The following MSRB3 variants were observed in gnomAD, a reference collection of about 807,000 sequenced individuals.
MSRB3 encodes the protein methionine sulfoxide reductase B3.
A neutral mutation model predicts 21.0 loss-of-function variants in MSRB3; 13 were observed. The ratio of observed to expected loss-of-function variants is 0.62; its 90% CI spans 0.40 to 0.98. The LOEUF (loss-of-function observed/expected upper bound fraction) is 0.98. MSRB3 is among the 50% of genes least tolerant of loss of function. The pLI, the probability that MSRB3 is intolerant of heterozygous loss-of-function variation, is 0.00. For missense variants in MSRB3, 199 were observed against 230.3 expected, an observed-to-expected ratio of 0.86 and a Z score of 0.88; for synonymous variants, 87 against 88.6, an observed-to-expected ratio of 0.98 and a Z score of 0.10.
In MSRB3 at chr12:65,453,762, G is replaced by A. The variant is rs750305947; in HGVS notation, c.327G>A (p.Glu109=). ...CATTCCACGATGTGATCAATTCTGA[G>A]GCAATCACATTCACAGATGACTTTT... ...WPSFHDVINS[E]AITFTDDFSY... The change falls in exon 6 of 7, where the codon GAG becomes GAA. Residue 109 remains glutamate (E), a synonymous_variant. Coordinates refer to ENST00000308259, the MANE Select transcript of MSRB3 (RefSeq NM_001031679.3). The A allele has an allele frequency of 1.9e-6, 3 of 1,613,966 alleles. No homozygotes were observed. The South Asian group carries it at 3.3e-5, about 18-fold the overall frequency.
intron 2 of MSRB3, among the ~76,000 whole-genome samples, chr12:65,318,983 T>A (rs1874490091): frequency 6.6e-6 from 1 of 152,220 alleles, no homozygotes; most frequent in Non-Finnish European, 1.5e-5. Flanking sequence ...AATGAATGTT[T>A]CATCAGGATG....
At chr12:65,410,218 T>C (rs1388871067) in intron 5 of MSRB3, among the ~76,000 whole-genome samples, 2 of 152,238 alleles carry the variant, frequency 1.3e-5, no homozygotes, top group Non-Finnish European at 2.9e-5. Flanking sequence ...TAAGATTGCT[T>C]TATATATTAA....
chr12:65,404,541 C>G (rs1428525372), intron 5 of MSRB3, among the ~76,000 whole-genome samples: 1 of 152,158 alleles, frequency 6.6e-6, no homozygotes, highest in African/African-American at 2.4e-5. Context: ...TCCTAATGCT[C>G]TTTGTTTACA....
chr12:65,383,016 T>C (rs1189287186), intron 5 of MSRB3, among the ~76,000 whole-genome samples: 2 of 152,148 alleles, frequency 1.3e-5, no homozygotes, highest in Non-Finnish European at 2.9e-5. Context: ...TTATGCAATT[T>C]AAGAATTTTA....
At chr12:65,280,575 T>C (rs1871953022) in intron 1 of MSRB3, among the ~76,000 whole-genome samples, 1 of 152,250 alleles carries the variant, frequency 6.6e-6, no homozygotes, top group Admixed American at 6.5e-5. Context: ...CATATATTCT[T>C]TTAATTCCGG....
chr12:65,442,153 A>G (rs1170809567), intron 5 of MSRB3, among the ~76,000 whole-genome samples: 1 of 152,048 alleles, frequency 6.6e-6, no homozygotes, highest in Non-Finnish European at 1.5e-5. Flanking sequence ...CACTTAAAAT[A>G]TATATAATAG....
chr12:65,356,254 A>C (rs549532848), intron 4 of MSRB3, among the ~76,000 whole-genome samples: 34 of 152,058 alleles, frequency 2.2e-4, no homozygotes, highest in Non-Finnish European at 3.5e-4. Flanking sequence ...GTGTTCAGAG[A>C]TAATAGCTGA....
At chr12:65,460,556 G>A (rs1883280234) in intron 6 of MSRB3, among the ~76,000 whole-genome samples, 1 of 152,140 alleles carries the variant, frequency 6.6e-6, no homozygotes, top group Non-Finnish European at 1.5e-5. Flanking sequence ...TCTTCCCTTA[G>A]TAACCTAAGG....
chr12:65,293,949 C>A (rs1872803997), intron 1 of MSRB3, among the ~76,000 whole-genome samples: 1 of 152,206 alleles, frequency 6.6e-6, no homozygotes, highest in Non-Finnish European at 1.5e-5. Context: ...TTTCAGAGCT[C>A]TCCTGTGGCC....
intron 5 of MSRB3, among the ~76,000 whole-genome samples, chr12:65,402,965 G>A (rs543654718): frequency 1.8e-4 from 27 of 152,290 alleles, no homozygotes; most frequent in South Asian, 4.1e-4. Context: ...CTGCCTGTTC[G>A]TTCCTCTGGA....
intron 5 of MSRB3, chr12:65,419,705 A>G: frequency 1.3e-6 from 1 of 789,626 alleles, no homozygotes; most frequent in Non-Finnish European, 2.2e-6. Context: ...TCCACCTTCC[A>G]GTTCTTGGTC....
chr12:65,436,678 A>G (rs1179125150), intron 5 of MSRB3, among the ~76,000 whole-genome samples: 2 of 151,936 alleles, frequency 1.3e-5, no homozygotes, highest in Admixed American at 1.3e-4. Flanking sequence ...ATTTACAAAA[A>G]TCATTAATCA....
chr12:65,398,036 C>G (rs1177200112), intron 5 of MSRB3, among the ~76,000 whole-genome samples: 1 of 152,140 alleles, frequency 6.6e-6, no homozygotes, highest in Non-Finnish European at 1.5e-5. Context: ...GGTTCCAAGT[C>G]TTTGCTATTG....
At chr12:65,390,545 T>C (rs1908325) in intron 5 of MSRB3, among the ~76,000 whole-genome samples, 99,422 of 152,052 alleles carry the variant, frequency 0.65, 32,640 homozygotes, top group Admixed American at 0.72. Context: ...TGTTTACTCT[T>C]GAATATTACT....
intron 5 of MSRB3, among the ~76,000 whole-genome samples, chr12:65,370,766 C>CT (rs902193114): frequency 2.0e-5 from 3 of 151,864 alleles, no homozygotes; most frequent in African/African-American, 7.3e-5. Flanking sequence ...TAAAAAAAAT[C>CT]TATCATGGAC....
At chr12:65,460,497 G>A (rs1883277375) in intron 6 of MSRB3, among the ~76,000 whole-genome samples, 1 of 152,196 alleles carries the variant, frequency 6.6e-6, no homozygotes, top group Admixed American at 6.5e-5. Flanking sequence ...GGGGATGTAT[G>A]TGGTGCCACA....
chr12:65,299,199 A>G (rs1280597892), intron 1 of MSRB3, among the ~76,000 whole-genome samples: 1 of 152,230 alleles, frequency 6.6e-6, no homozygotes, highest in Non-Finnish European at 1.5e-5. Flanking sequence ...TCAGATAATA[A>G]CCAGTTACAG....
At chr12:65,407,506 T>G (rs899031743) in intron 5 of MSRB3, among the ~76,000 whole-genome samples, 1 of 152,318 alleles carries the variant, frequency 6.6e-6, no homozygotes, top group East Asian at 1.9e-4. Flanking sequence ...TTCTGCAATT[T>G]GAATACGATA....
chr12:65,318,270 C>T (rs575421324), intron 2 of MSRB3, among the ~76,000 whole-genome samples: 1 of 152,094 alleles, frequency 6.6e-6, no homozygotes, highest in South Asian at 2.1e-4. Context: ...GAGTTTTTGA[C>T]AATATATATT....
Sources: allele counts gnomAD v4.1 joint callset (sites outside exome capture counted in the v4.1 genomes callset), GRCh38; gene constraint gnomAD v4.1.1; transcripts MANE v1.5; gene names NCBI Gene and HGNC (gene_info 2026-07-23, HGNC 2026-07-21).